The following HOMER2 variants were observed in gnomAD, a reference collection of about 807,000 sequenced individuals.
The protein encoded by HOMER2 is homer scaffold protein 2, also known as homer protein homolog 2.
Under a neutral mutation model 47.0 loss-of-function variants are expected in HOMER2, and 27 were observed. The ratio of observed to expected loss-of-function variants is 0.57; its 90% CI spans 0.42 to 0.79. The LOEUF (loss-of-function observed/expected upper bound fraction) is 0.79. Ranked by LOEUF, HOMER2 falls within the 30% of genes least tolerant of loss-of-function variation. The pLI is 0.00. For synonymous variants in HOMER2, 161 were observed against 163.8 expected, an observed-to-expected ratio of 0.98 and a Z score of 0.13; for missense variants, 443 against 435.0, an observed-to-expected ratio of 1.02 and a Z score of -0.16.
chr15:82,914,869 C>T (rs1157202347), intron 1 of HOMER2, among the ~76,000 whole-genome samples: 2 of 152,046 alleles, frequency 1.3e-5, no homozygotes. Context: ...CAAAGAGAAA[C>T]CTGCAAAGGG....
intron 1 of HOMER2, among the ~76,000 whole-genome samples, chr15:82,915,909 G>T (rs1381576552): frequency 6.6e-6 from 1 of 152,208 alleles, no homozygotes; most frequent in Non-Finnish European, 1.5e-5. Context: ...CGTGCGAAAA[G>T]TACCACTTGG....
At chr15:82,877,515 A>T (rs1355516222) in intron 2 of HOMER2, among the ~76,000 whole-genome samples, 4 of 152,190 alleles carry the variant, frequency 2.6e-5, no homozygotes, top group Non-Finnish European at 5.9e-5. Flanking sequence ...AACACATTAA[A>T]GCTGGCCAGT....
In HOMER2 at chr15:82,857,968, T is replaced by C. The variant is rs528604264; in HGVS notation, c.494+1061A>G. Reference sequence around the variant, plus strand: ...AATCTTACTGATATCATTATGGGGATTGTGTTACATTTATAGATCAATTTA... The same window carrying C: ...AATCTTACTGATATCATTATGGGGACTGTGTTACATTTATAGATCAATTTA... On this transcript the variant is annotated intron_variant, in intron 5 of 8. Transcript: ENST00000450735. Among the ~76,000 whole-genome samples, 6 of 152,358 alleles carry C rather than the reference T, an allele frequency of 3.9e-5. No individual in the cohort carries two copies. In the South Asian group the frequency reaches 8.3e-4, roughly 21 times the overall value.
At chr15:82,980,098 A>T (rs2030341448) in intron 1 of HOMER2, among the ~76,000 whole-genome samples, 1 of 152,132 alleles carries the variant, frequency 6.6e-6, no homozygotes, top group African/African-American at 2.4e-5. Flanking sequence ...ATATATATGT[A>T]TGCATGTTTA....
At chr15:82,985,894 A>T (rs1486561819), upstream of HOMER2, 1 of 186,162 alleles carries the variant, frequency 5.4e-6, no homozygotes, top group Non-Finnish European at 1.0e-5. Context: ...AGACTCCGGG[A>T]GCAGGCGGCC....
intron 1 of HOMER2, among the ~76,000 whole-genome samples, chr15:82,930,977 T>C (rs1459803655): frequency 6.6e-6 from 1 of 152,064 alleles, no homozygotes; most frequent in East Asian, 1.9e-4. Context: ...CAGTGTGCCC[T>C]GTGCACCTCC....
chr15:82,843,298 G>A (rs1056249148), exon 2 of HOMER2: 3 of 151,492 alleles, frequency 2.0e-5, no homozygotes, highest in African/African-American at 7.3e-5. Flanking sequence ...AAGTTACCTG[G>A]GCGTGGTGGC....
At chr15:82,956,463 T>G (rs185532149), upstream of HOMER2, among the ~76,000 whole-genome samples, 3 of 152,274 alleles carry the variant, frequency 2.0e-5, no homozygotes. Flanking sequence ...GGATTTGCAA[T>G]TTATTCAAAT....
chr15:82,893,120 C>T (rs929604675), intron 1 of HOMER2, among the ~76,000 whole-genome samples: 1 of 152,050 alleles, frequency 6.6e-6, no homozygotes, highest in Admixed American at 6.5e-5. Context: ...TCAGTGTTTT[C>T]GAATCCCCGT....
At chr15:82,859,584 A>C (rs2051704923) in intron 4 of HOMER2, among the ~76,000 whole-genome samples, 2 of 152,206 alleles carry the variant, frequency 1.3e-5, no homozygotes, top group Non-Finnish European at 2.9e-5. Context: ...CACATATTAG[A>C]AAAGGAGACA....
chr15:82,932,105 C>T (rs1788981079), intron 1 of HOMER2, among the ~76,000 whole-genome samples: 1 of 152,140 alleles, frequency 6.6e-6, no homozygotes, highest in African/African-American at 2.4e-5. Context: ...CTCTTCTCAC[C>T]CAACTCCATC....
chr15:82,911,456 A>T (rs1430459308), intron 1 of HOMER2, among the ~76,000 whole-genome samples: 1 of 152,202 alleles, frequency 6.6e-6, no homozygotes, highest in Non-Finnish European at 1.5e-5. Context: ...GGGGAAAAAA[A>T]GCTGTTTTTT....
At chr15:82,845,712 G>A (rs2151588050), downstream of HOMER2, 1 of 152,292 alleles carries the variant, frequency 6.6e-6, no homozygotes, top group South Asian at 2.1e-4. Flanking sequence ...CCTGTGCTAA[G>A]TCACATCACG....
At chr15:82,965,860 C>T (rs978767719) in intron 1 of HOMER2, among the ~76,000 whole-genome samples, 1 of 151,624 alleles carries the variant, frequency 6.6e-6, no homozygotes, top group South Asian at 2.1e-4. Context: ...TTTTGGAGGC[C>T]GAGATGGGAG....
At chr15:82,965,129 C>A (rs1385839152) in intron 1 of HOMER2, among the ~76,000 whole-genome samples, 1 of 152,142 alleles carries the variant, frequency 6.6e-6, no homozygotes, top group African/African-American at 2.4e-5. Context: ...AAGGGATCCT[C>A]CTGCCTCAGC....
intron 1 of HOMER2, among the ~76,000 whole-genome samples, chr15:82,977,270 C>G (rs1168301174): frequency 2.0e-5 from 3 of 152,176 alleles, no homozygotes; most frequent in Non-Finnish European, 4.4e-5. Context: ...TTCTGAGAAG[C>G]TCCCAAGGCA....
chr15:82,960,169 C>T (rs535428828), intron 1 of HOMER2, among the ~76,000 whole-genome samples: 3 of 152,010 alleles, frequency 2.0e-5, no homozygotes, highest in Non-Finnish European at 4.4e-5. Context: ...GGCTTCCAAC[C>T]GGAGACGTTG....
intron 4 of HOMER2, among the ~76,000 whole-genome samples, chr15:82,862,334 T>C (rs960467284): frequency 1.3e-5 from 2 of 152,204 alleles, no homozygotes; most frequent in Non-Finnish European, 1.5e-5. Context: ...TAGGTATACA[T>C]GTATTTTTAA....
intron 1 of HOMER2, among the ~76,000 whole-genome samples, chr15:82,948,913 A>G (rs1798531998): frequency 6.6e-6 from 1 of 152,244 alleles, no homozygotes; most frequent in Admixed American, 6.5e-5. Flanking sequence ...AATGGACTGC[A>G]GACAACCCAG....
Sources: allele counts gnomAD v4.1 joint callset (sites outside exome capture counted in the v4.1 genomes callset), GRCh38; gene constraint gnomAD v4.1.1; transcripts MANE v1.5; gene names NCBI Gene and HGNC (gene_info 2026-07-23, HGNC 2026-07-21).